CHD5: variants seen among roughly 807,000 people sequenced by gnomAD.
CHD5 encodes ATP-dependent chromatin remodeler CHD5.
A neutral mutation model predicts 230.3 loss-of-function variants in CHD5; 69 were observed. The ratio of observed to expected loss-of-function variants is 0.30; its 90% CI spans 0.25 to 0.37. CHD5 has a LOEUF of 0.37. CHD5 is among the 10% of genes least tolerant of loss of function. The probability of loss-of-function intolerance (pLI) is 1.00; values close to 1 mark genes in which losing one functional copy is unlikely to be tolerated. For missense variants in CHD5, 1,827 were observed against 2,622.8 expected, an observed-to-expected ratio of 0.70 and a Z score of 6.63; for synonymous variants, 1,064 against 1,065.9, an observed-to-expected ratio of 1.00 and a Z score of 0.03.
chr1:6,119,869 T>C (rs1203047628), intron 33 of CHD5, among the ~76,000 whole-genome samples: 1 of 122,506 alleles, frequency 8.2e-6, no homozygotes, highest in African/African-American at 2.7e-5. Context: ...TATATATTTT[T>C]TTTTTTTCTG....
Position 6,106,271 on chromosome 1 carries a change from C to G in CHD5, c.*9G>C. 1.2e-6 allele frequency: 2 copies of G among 1,612,796 alleles called. No homozygotes were observed. Among genetic ancestry groups the G allele is most frequent in the Middle Eastern group, 1.6e-4 (1 of 6,062 alleles). Reference sequence around the variant, plus strand: ...TGAGCGCTGCAACACAGGGAAGTCTCGAGGACGGCTAGATATCTGTCAAAA... The same window carrying G: ...TGAGCGCTGCAACACAGGGAAGTCTGGAGGACGGCTAGATATCTGTCAAAA... On this transcript the variant is annotated 3_prime_UTR_variant, in exon 41 of 42. Transcript: ENST00000262450.
In CHD5 at chr1:6,131,608, A is replaced by G. The variant is rs1557546152; in HGVS notation, c.3262+23T>C. ...AGGCCAAAAAGGAGTCTCAATCAGA[A>G]CCCTTGGGCAGGATGGGGGTACCAT... On this transcript the variant is annotated intron_variant, in intron 21 of 41. Transcript: ENST00000262450. This position sits in a 1 kb window ranked among gnomAD's most constrained non-coding sequence, Gnocchi z 5.0. The G allele has an allele frequency of 7.0e-7, 1 of 1,420,378 alleles. No homozygotes were observed. 88.0% of individuals were successfully genotyped at this position (1,420,378 alleles called of 1,614,324 possible). A position where few individuals can be genotyped will look rare whatever the true frequency, so the allele number is the denominator to read the frequency against.
At chr1:6,117,208 C>T (rs924970772) in intron 33 of CHD5, among the ~76,000 whole-genome samples, 1 of 151,976 alleles carries the variant, frequency 6.6e-6, no homozygotes, top group African/African-American at 2.4e-5. Flanking sequence ...AACAGAATTC[C>T]ATCCACATAT....
rs1406424203 is a variant in CHD5, at chr1:6,154,648, C to A, written c.745+12G>T. ...CCAGCGGGACTAGGTGCCCACCCAACCCCAGCCTTACCTTTGCCCTCCTTG... is the reference window on the plus strand; with the variant it reads ...CCAGCGGGACTAGGTGCCCACCCAAACCCAGCCTTACCTTTGCCCTCCTTG... On this transcript the variant is annotated intron_variant, in intron 5 of 41. Transcript: ENST00000262450. This position sits in a 1 kb window ranked among gnomAD's most constrained non-coding sequence, Gnocchi z 7.0. 6.5e-6 allele frequency: 10 copies of A among 1,543,266 alleles called. No individual in the cohort carries two copies. Among genetic ancestry groups the A allele is most frequent in the Non-Finnish European group, 8.7e-6 (10 of 1,143,448 alleles).
In CHD5 at chr1:6,146,639, G is replaced by A. The variant is rs371927488; in HGVS notation, c.1590+26C>T. ...AGGGCTCACCAGGTCCCGGGCCTTA[G>A]CACAGCCACCCTCCCGGGCACTCAC... is the stretch of plus-strand genomic sequence containing the variant. On this transcript the variant is annotated intron_variant, in intron 10 of 41. Coordinates refer to ENST00000262450, the MANE Select transcript of CHD5 (RefSeq NM_015557.3). The surrounding 1 kb of genome is among the most constrained non-coding windows in gnomAD (Gnocchi z 5.1). The A allele has an allele frequency of 2.5e-6, 4 of 1,611,400 alleles. No homozygotes were observed. Among genetic ancestry groups the A allele is most frequent in the Non-Finnish European group, 3.4e-6 (4 of 1,178,050 alleles).
intron 2 of CHD5, 21 bp downstream of exon 2, chr1:6,168,129 G>C: frequency 7.6e-6 from 12 of 1,584,820 alleles, no homozygotes; most frequent in Non-Finnish European, 9.5e-6. Context: ...CAAGCTCGCC[G>C]GCGCAGGTGC....
At chr1:6,111,181 G>C (rs1223281948) in intron 36 of CHD5, among the ~76,000 whole-genome samples, 1 of 149,750 alleles carries the variant, frequency 6.7e-6, no homozygotes, top group Non-Finnish European at 1.5e-5. Context: ...AGTGAGCTGA[G>C]ATCGCACCAC....
intron 15 of CHD5, 122 bp from the exon 16 acceptor site, chr1:6,136,987 G>A (rs1440557743): frequency 5.7e-5 from 62 of 1,092,600 alleles, no homozygotes; most frequent in Non-Finnish European, 7.5e-5. Flanking sequence ...CGGAGCCCTG[G>A]GCCGGCCAGC....
At position 6,125,435 on chromosome 1, in the gene CHD5, G is replaced by C. The variant is rs1666540340; in HGVS notation, c.4260+89C>G. The C allele has an allele frequency of 9.2e-6, 13 of 1,411,628 alleles. No homozygotes were observed. The highest frequency in any genetic ancestry group is 1.3e-5 in the Non-Finnish European group (13 of 1,027,542). The allele number at this position is 1,411,628 out of a possible 1,614,324, so 87.4% of individuals were successfully genotyped here. ...CAAGCTCCGCCTCTACCTGGCATGA[G>C]ACCCGGGGCAGTCCCCCAGCCCTCC... is the stretch of plus-strand genomic sequence containing the variant. On this transcript the variant is annotated intron_variant, in intron 28 of 41. Coordinates refer to ENST00000262450, the MANE Select transcript of CHD5 (RefSeq NM_015557.3). This position sits in a 1 kb window ranked among gnomAD's most constrained non-coding sequence, Gnocchi z 6.7.
Position 6,146,227 on chromosome 1 carries a change from C to A in CHD5, c.1787G>T (p.Arg596Leu). 6.2e-7 allele frequency: 1 copy of A among 1,614,056 alleles called. No homozygotes were observed. The highest frequency in any genetic ancestry group is 1.1e-5 in the South Asian group (1 of 91,068). Residue 596 changes from arginine (R) to leucine (L), a missense_variant, in exon 11 of 42, where the codon CGA becomes CTA. Physicochemically the swap from Arg to Leu is moderately radical, Grantham distance 102 (BLOSUM62 -2). Around this residue, in one of 14 missense-constraint regions of CHD5, gnomAD observed 657 missense variants for 816.4 expected, o/e 0.80. Transcript: ENST00000262450. The surrounding 1 kb of genome is among the most constrained non-coding windows in gnomAD (Gnocchi z 5.1). ...AGGCACACACCTATGGTTCAGGATT[C>A]GGTGAATCATCATCCACTCTGGCTT... ...GIKPEWMMIHRILNHSFDKKG... is the reference protein window; with the variant it reads ...GIKPEWMMIHLILNHSFDKKG...
At chr1:6,124,149 C>A in intron 30 of CHD5, 42 bp from the exon 31 acceptor site, 1 of 1,577,664 alleles carries the variant, frequency 6.3e-7, no homozygotes, top group Non-Finnish European at 8.7e-7. Flanking sequence ...AGAGGGAGGG[C>A]AGTGGTGGCA....
intron 2 of CHD5, among the ~76,000 whole-genome samples, chr1:6,161,390 G>A (rs1667175725): frequency 6.6e-6 from 1 of 152,174 alleles, no homozygotes; most frequent in Non-Finnish European, 1.5e-5. Flanking sequence ...CCTTCCAACA[G>A]GCTGCCTGCA....
chr1:6,111,931 A>C, intron 35 of CHD5, 48 bp from the exon 36 acceptor site: 1 of 1,554,204 alleles, frequency 6.4e-7, no homozygotes, highest in Non-Finnish European at 8.8e-7. Context: ...CCCAGCTCTC[A>C]CGCACAGGCA....
chr1:6,170,839 G>C (rs1478264069), intron 1 of CHD5, among the ~76,000 whole-genome samples: 1 of 152,212 alleles, frequency 6.6e-6, no homozygotes, highest in African/African-American at 2.4e-5. Flanking sequence ...GGTGTCGGTG[G>C]GGCAGTGGCA....
At position 6,129,484 on chromosome 1, in the gene CHD5, CT is replaced by C. The variant is rs1666618321; in HGVS notation, c.3388-416del. Among the ~76,000 whole-genome samples, 1 of 152,166 alleles carries C rather than the reference CT, an allele frequency of 6.6e-6. No individual in the cohort carries two copies. The highest frequency in any genetic ancestry group is 2.4e-5 in the African/African-American group (1 of 41,452). On this transcript the variant is annotated intron_variant, in intron 22 of 41. Coordinates refer to ENST00000262450, the MANE Select transcript of CHD5 (RefSeq NM_015557.3). This position sits in a 1 kb window ranked among gnomAD's most constrained non-coding sequence, Gnocchi z 6.8. ...CCATGTGCTGGAGACACGCAGCCAC[CT>C]TCTGAGGGCAGCAAGGAGCTGAATC...
rs1337832256 is a variant in CHD5, at chr1:6,167,397, C to T, written c.207+753G>A. Reference sequence around the variant, plus strand: ...CGCTTGGAGGATCAGAGGAGACGCCCAGAAGGAAGCAGACAGCATATGGTG... The same window carrying T: ...CGCTTGGAGGATCAGAGGAGACGCCTAGAAGGAAGCAGACAGCATATGGTG... On this transcript the variant is annotated intron_variant, in intron 2 of 41. Transcript: ENST00000262450. The surrounding 1 kb of genome is among the most constrained non-coding windows in gnomAD (Gnocchi z 4.5). Among the ~76,000 whole-genome samples, 1 of 152,158 alleles carries T rather than the reference C, an allele frequency of 6.6e-6. No individual in the cohort carries two copies. The highest frequency in any genetic ancestry group is 6.5e-5 in the Admixed American group (1 of 15,278).
At chr1:6,113,241 A>T (rs903435934) in intron 33 of CHD5, 1 of 493,432 alleles carries the variant, frequency 2.0e-6, no homozygotes, top group African/African-American at 2.0e-5. Flanking sequence ...CTGGCAACAT[A>T]GTGAAATCTC....
chr1:6,105,231 G>T lies in CHD5; in HGVS notation c.*243C>A. The T allele has an allele frequency of 2.8e-6, 1 of 352,986 alleles. No individual in the cohort carries two copies. The highest frequency in any genetic ancestry group is 2.2e-5 in the South Asian group (1 of 45,664). The allele number at this position is 352,986 out of a possible 1,614,324, so 21.9% of individuals were successfully genotyped here. On this transcript the variant is annotated 3_prime_UTR_variant, in exon 42 of 42. Transcript: ENST00000262450. This position sits in a 1 kb window ranked among gnomAD's most constrained non-coding sequence, Gnocchi z 4.8. ...AGGGGGCACGTCCGGCGTGGTTGTG[G>T]GGGCAACGCTGTGTGGAAGAACACT...
chr1:6,170,767 G>C (rs925474282), intron 1 of CHD5, among the ~76,000 whole-genome samples: 2 of 152,242 alleles, frequency 1.3e-5, no homozygotes, highest in South Asian at 4.1e-4. Flanking sequence ...TGGAAAGGCG[G>C]GGATTTTTCA....
Sources: allele counts gnomAD v4.1 joint callset (sites outside exome capture counted in the v4.1 genomes callset), GRCh38; gene constraint gnomAD v4.1.1; regional missense constraint gnomAD v4.1.1; non-coding constraint Gnocchi (gnomAD v3.1); transcripts MANE v1.5; gene names NCBI Gene and HGNC (gene_info 2026-07-23, HGNC 2026-07-21).